Variants in FHIT observed in about 807,000 individuals in gnomAD.
FHIT encodes bis(5'-adenosyl)-triphosphatase.
FHIT carries 19 observed loss-of-function variants against 17.9 expected under a neutral mutation model. The observed-to-expected ratio is 1.06, with a 90% CI of 0.74 to 1.56. The LOEUF is 1.56. Ranked by LOEUF, FHIT falls within the 40% of genes most tolerant of loss-of-function variation. The pLI is 0.00. For missense variants in FHIT, 248 were observed against 189.2 expected (o/e 1.31, Z -1.82); for synonymous variants, 81 against 69.7 (o/e 1.16, Z -0.81).
intron 5 of FHIT, among the ~76,000 whole-genome samples, chr3:60,031,916 G>A (rs1284254578): frequency 6.6e-6 from 1 of 152,240 alleles, no homozygotes; most frequent in East Asian, 1.9e-4. Context: ...TGTAGTAACA[G>A]CAGTACCTAT....
chr3:60,737,662 G>A (rs562193646), intron 4 of FHIT, among the ~76,000 whole-genome samples: 1 of 152,272 alleles, frequency 6.6e-6, no homozygotes, highest in Non-Finnish European at 1.5e-5. Context: ...TTGTTCATAT[G>A]CATTTCCCAT....
intron 2 of FHIT, among the ~76,000 whole-genome samples, chr3:61,104,918 G>A (rs1281570882): frequency 1.3e-5 from 2 of 152,012 alleles, no homozygotes; most frequent in African/African-American, 2.4e-5. Context: ...GCTCTATGAG[G>A]TCAATTACAT....
intron 4 of FHIT, among the ~76,000 whole-genome samples, chr3:60,597,302 G>A (rs1402354776): frequency 6.6e-6 from 1 of 152,002 alleles, no homozygotes; most frequent in Non-Finnish European, 1.5e-5. Flanking sequence ...CTATAAAATT[G>A]TTTTACAGCA....
At chr3:59,917,523 C>G (rs1289585138) in intron 8 of FHIT, among the ~76,000 whole-genome samples, 1 of 152,186 alleles carries the variant, frequency 6.6e-6, no homozygotes, top group Non-Finnish European at 1.5e-5. Flanking sequence ...CCATAATCTT[C>G]ATCAACTTGT....
intron 2 of FHIT, among the ~76,000 whole-genome samples, chr3:61,174,492 G>C (rs899115372): frequency 1.3e-5 from 2 of 152,170 alleles, no homozygotes; most frequent in Non-Finnish European, 2.9e-5. Flanking sequence ...ATCTGCGTTG[G>C]CAAATTTGAT....
chr3:60,370,284 G>T (rs1700275980), intron 5 of FHIT, among the ~76,000 whole-genome samples: 1 of 152,192 alleles, frequency 6.6e-6, no homozygotes, highest in African/African-American at 2.4e-5. Flanking sequence ...GAAATCAAGT[G>T]TAAGAGCTGA....
At chr3:59,984,469 A>G (rs535563735) in intron 7 of FHIT, among the ~76,000 whole-genome samples, 4 of 151,872 alleles carry the variant, frequency 2.6e-5, no homozygotes, top group Non-Finnish European at 5.9e-5. Context: ...GAAGCTGGGG[A>G]ATTTATCCTC....
At chr3:60,641,234 T>C (rs1024250247) in intron 4 of FHIT, among the ~76,000 whole-genome samples, 5 of 152,074 alleles carry the variant, frequency 3.3e-5, no homozygotes, top group Admixed American at 2.0e-4. Flanking sequence ...AGGTTGATCA[T>C]CATGGAAGTT....
At chr3:61,115,340 TAG>T (rs1328753828) in intron 2 of FHIT, among the ~76,000 whole-genome samples, 1 of 152,058 alleles carries the variant, frequency 6.6e-6, no homozygotes, top group Non-Finnish European at 1.5e-5. Context: ...TCACTGTGTC[TAG>T]AGAGAGCCTG....
At chr3:59,781,245 C>G (rs183665302) in intron 8 of FHIT, among the ~76,000 whole-genome samples, 1 of 152,188 alleles carries the variant, frequency 6.6e-6, no homozygotes, top group East Asian at 1.9e-4. Context: ...ATATGGGTAT[C>G]CTTAGCAAAT....
intron 2 of FHIT, among the ~76,000 whole-genome samples, chr3:61,065,320 C>T (rs547494866): frequency 1.6e-4 from 24 of 151,884 alleles, no homozygotes; most frequent in South Asian, 2.1e-4. Flanking sequence ...AAGATGTGCT[C>T]ATCATTCTAT....
intron 8 of FHIT, among the ~76,000 whole-genome samples, chr3:59,758,320 T>C (rs1376056818): frequency 6.6e-6 from 1 of 152,222 alleles, no homozygotes; most frequent in Non-Finnish European, 1.5e-5. Context: ...TGATGAATCC[T>C]GACCTGGCTT....
intron 2 of FHIT, among the ~76,000 whole-genome samples, chr3:61,099,270 T>C (rs924926527): frequency 6.6e-6 from 1 of 152,202 alleles, no homozygotes; most frequent in Non-Finnish European, 1.5e-5. Context: ...GGGATAAAGG[T>C]TACTTAATCA....
chr3:60,947,997 A>T (rs1307388808), intron 3 of FHIT, among the ~76,000 whole-genome samples: 1 of 152,188 alleles, frequency 6.6e-6, no homozygotes, highest in African/African-American at 2.4e-5. Context: ...TTCCTAGTTT[A>T]ATAAACCCTA....
At chr3:60,192,523 G>A (rs1249972425) in intron 5 of FHIT, among the ~76,000 whole-genome samples, 3 of 152,178 alleles carry the variant, frequency 2.0e-5, no homozygotes, top group Non-Finnish European at 2.9e-5. Flanking sequence ...CACGTAACCA[G>A]AGGTAAGCAT....
chr3:60,701,473 G>A (rs1348566964), intron 4 of FHIT, among the ~76,000 whole-genome samples: 2 of 152,132 alleles, frequency 1.3e-5, no homozygotes, highest in East Asian at 1.9e-4. Context: ...GGTGGATAGG[G>A]GGTCGGAAAG....
At chr3:61,219,079 G>A (rs1171181327) in intron 1 of FHIT, among the ~76,000 whole-genome samples, 2 of 152,146 alleles carry the variant, frequency 1.3e-5, no homozygotes, top group Non-Finnish European at 2.9e-5. Flanking sequence ...TTACAGACCT[G>A]TAAAGCATGT....
At chr3:60,248,500 G>T (rs1244665900) in intron 5 of FHIT, among the ~76,000 whole-genome samples, 1 of 152,104 alleles carries the variant, frequency 6.6e-6, no homozygotes. Flanking sequence ...AGGAGAGAAG[G>T]CAGGTAAAGG....
At chr3:60,350,034 T>A (rs899026498) in intron 5 of FHIT, among the ~76,000 whole-genome samples, 7 of 152,334 alleles carry the variant, frequency 4.6e-5, no homozygotes, top group African/African-American at 1.7e-4. Flanking sequence ...GGTATTGGTG[T>A]AGGAGCCACT....
Sources: allele counts gnomAD v4.1 joint callset (sites outside exome capture counted in the v4.1 genomes callset), GRCh38; gene constraint gnomAD v4.1.1; transcripts MANE v1.5; gene names NCBI Gene and HGNC (gene_info 2026-07-23, HGNC 2026-07-21).